CCDC33: variants seen among roughly 807,000 people sequenced by gnomAD.
CCDC33 encodes the protein coiled-coil domain containing 33.
In CCDC33, 94 loss-of-function variants were observed where a neutral mutation model predicts 91.9. That is an observed-to-expected ratio of 1.02 (90% CI 0.87 to 1.21). CCDC33 has a LOEUF of 1.21. CCDC33 is among the 50% of genes most tolerant of loss of function. The probability of loss-of-function intolerance (pLI) is 0.00; values close to 1 mark genes in which losing one functional copy is unlikely to be tolerated. For missense variants in CCDC33, 940 were observed against 935.5 expected (o/e 1.00, Z -0.06); for synonymous variants, 396 against 374.5 (o/e 1.06, Z -0.66).
intron 10 of CCDC33, 80 bp from the exon 11 acceptor site, chr15:74,295,674 G>T (rs1023398136): frequency 8.2e-7 from 1 of 1,225,868 alleles, no homozygotes; most frequent in Non-Finnish European, 1.2e-6. Context: ...GAGAGGCTTG[G>T]GGTGTAGATG....
exon 2 of CCDC33, chr15:74,209,402 A>C (rs1650003283): frequency 1.3e-6 from 2 of 1,535,610 alleles, no homozygotes; most frequent in Non-Finnish European, 8.7e-7. Context: ...CCACTGCCTG[A>C]TGAATTGCCA....
chr15:74,297,844 T>C (rs1002269946), intron 11 of CCDC33, among the ~76,000 whole-genome samples: 1 of 152,190 alleles, frequency 6.6e-6, no homozygotes. Context: ...CCTCTCCTGC[T>C]CAGCTGCCCC....
At chr15:74,260,241 G>A (rs2075985702) in intron 2 of CCDC33, among the ~76,000 whole-genome samples, 1 of 152,128 alleles carries the variant, frequency 6.6e-6, no homozygotes, top group African/African-American at 2.4e-5. Context: ...AGGGTGGAGG[G>A]AGCAAGCTGA....
chr15:74,255,736 C>T (rs564913946), intron 2 of CCDC33, among the ~76,000 whole-genome samples: 2 of 152,354 alleles, frequency 1.3e-5, no homozygotes, highest in South Asian at 2.1e-4. Flanking sequence ...GCGCTCAGTG[C>T]CCCCTGGGCC....
At chr15:74,284,116 C>G (rs1038735840) in intron 10 of CCDC33, among the ~76,000 whole-genome samples, 1 of 152,208 alleles carries the variant, frequency 6.6e-6, no homozygotes, top group African/African-American at 2.4e-5. Context: ...GTATAAAGTG[C>G]TAATGTGGTT....
downstream of CCDC33, chr15:74,336,243 G>T: frequency 7.0e-7 from 1 of 1,422,164 alleles, no homozygotes; most frequent in Non-Finnish European, 9.2e-7. Context: ...CAGCCTTACA[G>T]CCTCCCGCCT....
chr15:74,247,369 TATACACACACAC>T lies in CCDC33; in HGVS notation c.185+3223_185+3234del, dbSNP rs1449846153. Among the ~76,000 whole-genome samples, 7 of 53,286 alleles carry T rather than the reference TATACACACACAC, an allele frequency of 1.3e-4. No individual in the cohort carries two copies. The East Asian group carries it at 3.4e-3, about 26-fold the overall frequency. The allele number at this position is 53,286 out of a possible 152,430, so 35.0% of individuals were successfully genotyped here. A position where few individuals can be genotyped will look rare whatever the true frequency, so the allele number is the denominator to read the frequency against. On this transcript the variant is annotated intron_variant, in intron 2 of 18. Coordinates refer to ENST00000398814, the MANE Select transcript of CCDC33 (RefSeq NM_025055.5). ...AAAGAAAAAATGTCATATATATATA[TATACACACACAC>T]ACACACACACACACACGTCATATAC...
At chr15:74,231,452 C>T (rs558542363), upstream of CCDC33, among the ~76,000 whole-genome samples, 76 of 152,370 alleles carry the variant, frequency 5.0e-4, 1 homozygote, top group Non-Finnish European at 8.7e-4. Flanking sequence ...GCAGGCTGCA[C>T]TGCCGCAGAG....
At position 74,204,057 on chromosome 15, in the gene CCDC33, T is replaced by A. The variant is rs182675508; in HGVS notation, n.89+959T>A. The stretch of plus-strand genomic sequence containing the variant: ...GGCTGAGCACCCTGCTAGCCTGAGT[T>A]CCTCCCCCTTCTTCCCAAATGGCCC... On this transcript the variant is annotated intron_variant and non_coding_transcript_variant, in intron 1 of 3. Coordinates refer to the CCDC33 transcript ENST00000558645. Among the ~76,000 whole-genome samples the A allele has an allele frequency of 2.5e-3, 373 of 152,234 alleles. 1 individual carries two copies. The highest frequency in any genetic ancestry group is 8.6e-3 in the African/African-American group (356 of 41,538).
intron 11 of CCDC33, among the ~76,000 whole-genome samples, chr15:74,299,313 G>C (rs2059747483): frequency 6.6e-6 from 1 of 152,274 alleles, no homozygotes; most frequent in South Asian, 2.1e-4. Flanking sequence ...TGCTAGCCCT[G>C]GTTTGCTATC....
chr15:74,223,384 T>C (rs1182794697), intron 2 of CCDC33, among the ~76,000 whole-genome samples: 1 of 152,138 alleles, frequency 6.6e-6, no homozygotes, highest in Non-Finnish European at 1.5e-5. Context: ...GTCCCAGCCC[T>C]TGGGTACTGG....
At chr15:74,211,640 G>A (rs1324838733) in intron 2 of CCDC33, among the ~76,000 whole-genome samples, 1 of 152,012 alleles carries the variant, frequency 6.6e-6, no homozygotes, top group East Asian at 1.9e-4. Context: ...CTAACCTCAG[G>A]TGATCTGCCC....
chr15:74,234,998 C>T (rs2075102351), upstream of CCDC33, among the ~76,000 whole-genome samples: 1 of 152,218 alleles, frequency 6.6e-6, no homozygotes, highest in Non-Finnish European at 1.5e-5. Flanking sequence ...ACTAAGCAGG[C>T]CTGAGAGGTT....
At chr15:74,266,354 ATG>A (rs1029518435) in intron 3 of CCDC33, among the ~76,000 whole-genome samples, 35 of 152,214 alleles carry the variant, frequency 2.3e-4, no homozygotes, top group Non-Finnish European at 4.7e-4. Flanking sequence ...GTGTGTGCAC[ATG>A]TGTGTCTGTT....
intron 2 of CCDC33, among the ~76,000 whole-genome samples, chr15:74,252,807 T>C (rs1564784): frequency 0.57 from 87,140 of 152,054 alleles, 30,052 homozygotes; most frequent in Non-Finnish European, 0.78. Context: ...CACACCATGG[T>C]TTGATTTTCC....
chr15:74,255,722 C>T (rs183098257), intron 2 of CCDC33, among the ~76,000 whole-genome samples: 12 of 152,366 alleles, frequency 7.9e-5, no homozygotes, highest in East Asian at 3.9e-4. Context: ...CAGGCTGGAC[C>T]GAGGCGCTCA....
chr15:74,240,259 G>C (rs781648890), intron 1 of CCDC33, among the ~76,000 whole-genome samples: 6 of 152,260 alleles, frequency 3.9e-5, no homozygotes, highest in Non-Finnish European at 5.9e-5. Context: ...AGGGGAGATA[G>C]AGGAGGAGCC....
intron 10 of CCDC33, among the ~76,000 whole-genome samples, chr15:74,284,507 T>C (rs779426960): frequency 6.6e-6 from 1 of 152,184 alleles, no homozygotes; most frequent in Non-Finnish European, 1.5e-5. Context: ...TTGTTCTCTA[T>C]GCAACTGCAA....
At chr15:74,312,455 A>G (rs948482682) in intron 11 of CCDC33, among the ~76,000 whole-genome samples, 4 of 152,170 alleles carry the variant, frequency 2.6e-5, no homozygotes, top group African/African-American at 9.7e-5. Flanking sequence ...GGCTTTGTCA[A>G]TAATTGTGCT....
Sources: gnomAD v4.1 joint callset for allele counts (sites outside exome capture counted in the v4.1 genomes callset) on GRCh38, gnomAD v4.1.1 for gene constraint, MANE v1.5 for transcripts, NCBI Gene and HGNC (gene_info 2026-07-23, HGNC 2026-07-21) for gene names.